The following POLQ variants were observed in gnomAD, a reference collection of about 807,000 sequenced individuals.
POLQ encodes the protein DNA polymerase theta, also known as epididymis secretory sperm binding protein.
In POLQ, 233 loss-of-function variants were observed where a neutral mutation model predicts 259.2. The ratio of observed to expected loss-of-function variants is 0.90; its 90% CI spans 0.81 to 1.00. POLQ has a LOEUF of 1.00. POLQ is among the 50% of genes least tolerant of loss of function. The pLI is 0.00. For synonymous variants in POLQ, 1,025 were observed against 1,048.8 expected (o/e 0.98, Z 0.44); for missense variants, 2,871 against 3,051.6 (o/e 0.94, Z 1.39).
In POLQ at chr3:121,449,338, T is replaced by C; in HGVS notation, c.7241A>G (p.Asp2414Gly). 6.4e-7 allele frequency: 1 copy of C among 1,564,796 alleles called. No homozygotes were observed. The highest frequency in any genetic ancestry group is 8.8e-7 in the Non-Finnish European group (1 of 1,135,400). ...ACCTGTGTATCTGGATTTGAAGGAGTCAATATAGCATGCAGCATCATTTTC... is the reference window on the plus strand; with the variant it reads ...ACCTGTGTATCTGGATTTGAAGGAGCCAATATAGCATGCAGCATCATTTTC... ...IKENDAACYI[D>G]SFKSRYTGIN... Residue 2414 changes from aspartate to glycine, a missense_variant, in exon 26 of 30, where the codon GAC becomes GGC. Physicochemically the swap from Asp to Gly is moderately conservative, Grantham distance 94 (BLOSUM62 -1). This residue lies in a region of POLQ where 2,080 missense variants were observed against 2,126.0 expected (regional missense o/e 0.98). Coordinates refer to ENST00000264233, the MANE Select transcript of POLQ (RefSeq NM_199420.4).
intron 25 of POLQ, among the ~76,000 whole-genome samples, chr3:121,453,349 G>A (rs2047696967): frequency 6.6e-6 from 1 of 152,174 alleles, no homozygotes; most frequent in African/African-American, 2.4e-5. Context: ...TCCTCCAAAG[G>A]AACGCAGTTC....
Position 121,449,377 on chromosome 3 carries a change from T to C in POLQ, c.7202A>G (p.Gln2401Arg). The change falls in exon 26 of 30, where the codon CAG becomes CGG. Residue 2401 changes from glutamine (Q) to arginine (R), a missense_variant. Gln to Arg is a conservative substitution (Grantham distance 43). Transcript: ENST00000264233. ...YGMGAKSLGEQMGIKENDAAC... is the reference protein window; with the variant it reads ...YGMGAKSLGERMGIKENDAAC... The stretch of plus-strand genomic sequence containing the variant: ...AGCATCATTTTCTTTAATGCCCATC[T>C]GCTCTCCCAAAGATTTAGCTCCCAT... 1 of 1,608,318 alleles carries C rather than the reference T, an allele frequency of 6.2e-7. No individual in the cohort carries two copies. The highest frequency in any genetic ancestry group is 1.3e-5 in the African/African-American group (1 of 74,930).
intron 7 of POLQ, among the ~76,000 whole-genome samples, chr3:121,525,401 GATC>G (rs1224624613): frequency 6.6e-6 from 1 of 151,696 alleles, no homozygotes; most frequent in East Asian, 1.9e-4. Context: ...ACTGGAAGTA[GATC>G]ATCATAAAAG....
intron 5 of POLQ, among the ~76,000 whole-genome samples, chr3:121,535,969 G>A (rs2048447789): frequency 6.6e-6 from 1 of 152,024 alleles, no homozygotes; most frequent in Non-Finnish European, 1.5e-5. Context: ...AAGGGCTTCA[G>A]GAAAATCTTC....
In POLQ at chr3:121,537,232, G is replaced by A. The variant is rs574013575; in HGVS notation, c.632-24C>T. On this transcript the variant is annotated intron_variant, in intron 4 of 29. Coordinates refer to ENST00000264233, the MANE Select transcript of POLQ (RefSeq NM_199420.4). The stretch of plus-strand genomic sequence containing the variant: ...TCCTAAAAAGATTTTCCAGATACTA[G>A]GTTTTTACAGAATGTCACATCCATG... 2.3e-6 allele frequency: 3 copies of A among 1,283,680 alleles called. No individual in the cohort carries two copies. The East Asian group carries it at 7.0e-5, about 30-fold the overall frequency. The allele number at this position is 1,283,680 out of a possible 1,614,324, so 79.5% of individuals were successfully genotyped here. A position where few individuals can be genotyped will look rare whatever the true frequency, so the allele number is the denominator to read the frequency against.
intron 12 of POLQ, among the ~76,000 whole-genome samples, chr3:121,503,978 G>A (rs1303102915): frequency 6.6e-6 from 1 of 152,112 alleles, no homozygotes; most frequent in Non-Finnish European, 1.5e-5. Flanking sequence ...TCAGCCTCCT[G>A]AGTAGCTGGG....
intron 5 of POLQ, among the ~76,000 whole-genome samples, chr3:121,536,766 T>A (rs977363238): frequency 2.6e-5 from 4 of 152,136 alleles, no homozygotes; most frequent in African/African-American, 9.7e-5. Context: ...TGCCTCAGCC[T>A]ACTGAGAAGC....
chr3:121,510,308 T>TG, intron 10 of POLQ, 65 bp from the exon 11 acceptor site: 1 of 1,196,354 alleles, frequency 8.4e-7, no homozygotes, highest in Non-Finnish European at 1.2e-6. Flanking sequence ...CCGGGCGCGG[T>TG]GGCTCATGCC....
At chr3:121,519,081 C>A (rs1216143826) in intron 9 of POLQ, among the ~76,000 whole-genome samples, 1 of 151,780 alleles carries the variant, frequency 6.6e-6, no homozygotes, top group African/African-American at 2.4e-5. Flanking sequence ...GAGCCAGCAC[C>A]AATTTCGAGA....
At position 121,449,342 on chromosome 3, in the gene POLQ, T is replaced by A. The variant is rs757316650; in HGVS notation, c.7237A>T (p.Ile2413Phe). 6.3e-7 allele frequency: 1 copy of A among 1,578,110 alleles called. No homozygotes were observed. Among genetic ancestry groups the A allele is most frequent in the South Asian group, 1.1e-5 (1 of 90,384 alleles). Residue 2413 changes from isoleucine (I) to phenylalanine (F), a missense_variant, in exon 26 of 30, where the codon ATT (isoleucine) becomes TTT (phenylalanine). By Grantham distance (21) the Ile-to-Phe change is conservative. Coordinates refer to ENST00000264233, the MANE Select transcript of POLQ (RefSeq NM_199420.4). ...GTGTATCTGGATTTGAAGGAGTCAA[T>A]ATAGCATGCAGCATCATTTTCTTTA... ...GIKENDAACY[I>F]DSFKSRYTGI... is the part of the protein sequence containing the mutation.
chr3:121,500,066 A>G (rs2048154893), intron 12 of POLQ, among the ~76,000 whole-genome samples: 1 of 152,164 alleles, frequency 6.6e-6, no homozygotes, highest in Admixed American at 6.5e-5. Flanking sequence ...GGACCACTTG[A>G]GCTCAGGAGT....
rs763240518 is a variant in POLQ at position 121,493,572 on chromosome 3, G to T, written c.2428C>A (p.Leu810Ile). Residue 810 changes from leucine to isoleucine, a missense_variant, in exon 15 of 30, where the codon CTC becomes ATC. Around this residue, in one of 3 missense-constraint regions of POLQ, gnomAD observed 2,080 missense variants for 2,126.0 expected, o/e 0.98. Coordinates refer to ENST00000264233, the MANE Select transcript of POLQ (RefSeq NM_199420.4). ...ACAGTATGAAAGCCAGAAGCATAGA[G>T]AACCCTGGCTCTCTGAGCATTTAGT... ...SLLNAQRARV[L>I]YASGFHTVAD... 1.9e-6 allele frequency: 3 copies of T among 1,613,968 alleles called. No individual in the cohort carries two copies. The Admixed American group carries it at 5.0e-5, about 27-fold the overall frequency.
intron 9 of POLQ, among the ~76,000 whole-genome samples, chr3:121,517,371 G>T (rs1038933927): frequency 2.4e-4 from 35 of 145,102 alleles, no homozygotes; most frequent in East Asian, 6.0e-4. Context: ...TGGAAGTTTT[G>T]TTTTTTTTTT....
In POLQ at chr3:121,489,319, T is replaced by C. The variant is rs2048043184; in HGVS notation, c.3612A>G (p.Thr1204=). The change falls in exon 16 of 30, where the codon ACA becomes ACG. Residue 1204 remains threonine, a synonymous_variant. Transcript: ENST00000264233. Reference sequence around the variant, plus strand: ...TATTTTTCTGTTTGGTAATAGTGCTTGTCTGTTCATGAGATTGCTTTCGCA... The same window carrying C: ...TATTTTTCTGTTTGGTAATAGTGCTCGTCTGTTCATGAGATTGCTTTCGCA... ...QYLRKQSHEQ[T]STITKQKNII... is the part of the protein sequence containing the mutation. 1.9e-6 allele frequency: 3 copies of C among 1,613,620 alleles called. No individual in the cohort carries two copies. Among genetic ancestry groups the C allele is most frequent in the Non-Finnish European group, 2.5e-6 (3 of 1,179,804 alleles).
At chr3:121,492,396 T>C (rs1397077294) in intron 15 of POLQ, among the ~76,000 whole-genome samples, 2 of 152,182 alleles carry the variant, frequency 1.3e-5, no homozygotes, top group Admixed American at 1.3e-4. Flanking sequence ...TTCAATAAAT[T>C]GGTTATTCAG....
intron 5 of POLQ, among the ~76,000 whole-genome samples, chr3:121,536,347 A>G (rs1315717077): frequency 3.3e-5 from 5 of 152,220 alleles, no homozygotes. Context: ...CATCTTTCAT[A>G]GTAAAAGTCA....
rs898713611 is a variant in POLQ, at chr3:121,487,328, G to A, written c.5603C>T (p.Ala1868Val). The A allele has an allele frequency of 2.5e-6, 4 of 1,594,066 alleles. No homozygotes were observed. The highest frequency in any genetic ancestry group is 1.7e-4 in the Middle Eastern group (1 of 5,946). ...KIRSLTSSKT[A>V]TIGSRFKQAS... ...TTGCTTAAACCTACTGCCAATAGTA[G>A]CAGTTTTAGAAGATGTCAAACTTCT... Residue 1868 changes from alanine (A) to valine (V), a missense_variant, in exon 16 of 30, where the codon GCT becomes GTT. Coordinates refer to ENST00000264233, the MANE Select transcript of POLQ (RefSeq NM_199420.4).
At chr3:121,541,690 T>C (rs559998201) in intron 2 of POLQ, among the ~76,000 whole-genome samples, 2 of 152,276 alleles carry the variant, frequency 1.3e-5, no homozygotes, top group East Asian at 3.9e-4. Context: ...AGTAAATAAA[T>C]CTTTATATCA....
intron 19 of POLQ, among the ~76,000 whole-genome samples, chr3:121,479,300 G>T (rs1371629456): frequency 1.3e-5 from 2 of 150,202 alleles, no homozygotes; most frequent in Admixed American, 6.7e-5. Flanking sequence ...CTGCTTGAGG[G>T]CAAGAGTTTG....
Sources: gnomAD v4.1 joint callset for allele counts (sites outside exome capture counted in the v4.1 genomes callset) on GRCh38, gnomAD v4.1.1 for gene constraint, gnomAD v4.1.1 regional missense constraint, MANE v1.5 for transcripts, NCBI Gene and HGNC (gene_info 2026-07-23, HGNC 2026-07-21) for gene names.